The following COL4A2 variants were observed in gnomAD, a reference collection of about 807,000 sequenced individuals.
The protein encoded by COL4A2 is collagen alpha-2(IV) chain.
A neutral mutation model predicts 200.2 loss-of-function variants in COL4A2; 99 were observed. The observed-to-expected ratio is 0.49, with a 90% CI of 0.42 to 0.58. The LOEUF (loss-of-function observed/expected upper bound fraction) is 0.58, where lower values mean the gene tolerates loss of function less well. Ranked by LOEUF, COL4A2 falls within the 20% of genes least tolerant of loss-of-function variation. COL4A2 has a pLI of 0.00. For missense variants in COL4A2, 1,950 were observed against 2,314.1 expected (o/e 0.84, Z 3.23); for synonymous variants, 897 against 900.6 (o/e 1.00, Z 0.07).
chr13:110,344,948 C>T (rs376591502), intron 3 of COL4A2, among the ~76,000 whole-genome samples: 3 of 152,078 alleles, frequency 2.0e-5, no homozygotes, highest in East Asian at 1.9e-4. Flanking sequence ...AAAGTTGCAT[C>T]GGTATTGAGT....
At chr13:110,456,609 A>C (rs192745272) in intron 20 of COL4A2, 177 of 374,750 alleles carry the variant, frequency 4.7e-4, no homozygotes, top group Non-Finnish European at 8.2e-4. Context: ...AAAATAGTCT[A>C]AGTTTTCTTT....
chr13:110,506,358 C>CT, intron 45 of COL4A2, 57 bp from the exon 46 acceptor site: 1 of 1,539,718 alleles, frequency 6.5e-7, no homozygotes, highest in Admixed American at 2.0e-5. Flanking sequence ...CACTCTCTCT[C>CT]TTTCTCGGGC....
intron 29 of COL4A2, 41 bp downstream of exon 29, chr13:110,473,191 G>A (rs1811764329): frequency 2.6e-6 from 4 of 1,539,176 alleles, no homozygotes; most frequent in Non-Finnish European, 3.5e-6. Context: ...CATCCCAGAT[G>A]CACAGTGGCC....
chr13:110,400,970 A>G (rs1879353232), intron 4 of COL4A2, among the ~76,000 whole-genome samples: 1 of 152,240 alleles, frequency 6.6e-6, no homozygotes. Context: ...CCTAACAGAA[A>G]ACATCTGCTG....
At chr13:110,394,818 G>A (rs955868922) in intron 4 of COL4A2, among the ~76,000 whole-genome samples, 1 of 152,124 alleles carries the variant, frequency 6.6e-6, no homozygotes, top group African/African-American at 2.4e-5. Flanking sequence ...GGCCCATCTG[G>A]TGCTCTTTGC....
chr13:110,318,040 T>C (rs1167588988), intron 3 of COL4A2, among the ~76,000 whole-genome samples: 1 of 152,042 alleles, frequency 6.6e-6, no homozygotes, highest in Admixed American at 6.5e-5. Flanking sequence ...GGAGGATAGG[T>C]GTGGTCTGTT....
At position 110,452,030 on chromosome 13, in the gene COL4A2, A is replaced by G. The variant is rs757829274; in HGVS notation, c.1339+1576A>G. On this transcript the variant is annotated intron_variant, in intron 20 of 47. Transcript: ENST00000360467. ...TAAATTCCCTGACATTGCCCCTAAT[A>G]ATCTCTTACAGCCTCCTACCTTCGG... Among the ~76,000 whole-genome samples, 25 of 152,226 alleles carry G rather than the reference A, an allele frequency of 1.6e-4. 1 individual carries two copies. The highest frequency in any genetic ancestry group is 1.6e-3 in the Admixed American group (25 of 15,288).
chr13:110,316,971 G>A (rs1050202207), intron 3 of COL4A2, among the ~76,000 whole-genome samples: 1 of 152,054 alleles, frequency 6.6e-6, no homozygotes, highest in Non-Finnish European at 1.5e-5. Context: ...ATAAAAGAGA[G>A]AGAGAACACA....
chr13:110,495,263 C>G (rs905265377), intron 39 of COL4A2, 79 bp from the exon 40 acceptor site: 1 of 1,571,798 alleles, frequency 6.4e-7, no homozygotes, highest in South Asian at 1.1e-5. Context: ...TGAGGCACCC[C>G]AAGCTGTTCT....
intron 4 of COL4A2, among the ~76,000 whole-genome samples, chr13:110,391,062 C>G (rs1878967348): frequency 6.6e-6 from 1 of 152,178 alleles, no homozygotes; most frequent in South Asian, 2.1e-4. Context: ...TTTTACGATA[C>G]TCCCTCATTC....
intron 4 of COL4A2, among the ~76,000 whole-genome samples, chr13:110,418,397 A>T (rs1356020615): frequency 1.3e-5 from 2 of 152,214 alleles, no homozygotes; most frequent in Non-Finnish European, 2.9e-5. Flanking sequence ...TATAGGTTGT[A>T]ATCTTTGTGT....
rs373076094 is a variant in COL4A2, at chr13:110,428,502, G to A, written c.396G>A (p.Pro132=). Residue 132 remains proline (P), a synonymous_variant, in exon 7 of 48, where the codon CCG becomes CCA. Coordinates refer to ENST00000360467, the MANE Select transcript of COL4A2 (RefSeq NM_001846.4). ...HPGQGGPRGR[P]GYDGCNGTQG... is the part of the protein sequence containing the mutation. ...GGCAAGGTGGGCCCAGGGGAAGGCC[G>A]GGCTACGATGGCTGCAACGGAACCC... The A allele has an allele frequency of 1.3e-5, 21 of 1,584,866 alleles. No individual in the cohort carries two copies. The highest frequency in any genetic ancestry group is 6.9e-5 in the African/African-American group (5 of 72,370).
In COL4A2 at chr13:110,469,257, T is replaced by A. The variant is rs1594091421; in HGVS notation, c.2136T>A (p.Ala712=). Residue 712 remains alanine (A), a synonymous_variant, in exon 28 of 48, where the codon GCT becomes GCA. Transcript: ENST00000360467. ...GAGGAATCCCAGGCTTCGCAGGAGC[T>A]GATGGAGGACCAGGGCCCAGGGGCT... ...GLRGIPGFAG[A]DGGPGPRGLP... The A allele has an allele frequency of 1.2e-6, 2 of 1,604,052 alleles. No homozygotes were observed. The highest frequency in any genetic ancestry group is 1.7e-6 in the Non-Finnish European group (2 of 1,175,474).
intron 15 of COL4A2, 63 bp downstream of exon 15, chr13:110,438,731 C>T: frequency 6.2e-7 from 1 of 1,604,680 alleles, no homozygotes; most frequent in South Asian, 1.1e-5. Context: ...GTAGGCTTTC[C>T]TTTTTAGAGC....
rs1884144337 is a variant in COL4A2, at chr13:110,512,957, G to A, written c.*766G>A. Reference sequence around the variant, plus strand: ...TTAACCCCTCCACTGCTGGGGGTGAGCTGTACTCTTCTGACTGCCCCCTCC... The same window carrying A: ...TTAACCCCTCCACTGCTGGGGGTGAACTGTACTCTTCTGACTGCCCCCTCC... On this transcript the variant is annotated 3_prime_UTR_variant, in exon 48 of 48. Transcript: ENST00000360467. 3 of 152,288 alleles carry A rather than the reference G, an allele frequency of 2.0e-5. No homozygotes were observed. The highest frequency in any genetic ancestry group is 4.2e-4 in the South Asian group (2 of 4,808). 9.4% of individuals were successfully genotyped at this position (152,288 alleles called of 1,614,324 possible).
At chr13:110,470,558 A>G (rs970147765) in intron 28 of COL4A2, among the ~76,000 whole-genome samples, 1 of 152,156 alleles carries the variant, frequency 6.6e-6, no homozygotes. Flanking sequence ...CTTTCTTTTA[A>G]TGACATCGTT....
intron 4 of COL4A2, among the ~76,000 whole-genome samples, chr13:110,411,766 G>A (rs1879848753): frequency 6.6e-6 from 1 of 152,192 alleles, no homozygotes; most frequent in Non-Finnish European, 1.5e-5. Flanking sequence ...AGAGTCCAAG[G>A]TCATGTCTGT....
At chr13:110,354,268 C>T (rs529503606) in intron 3 of COL4A2, among the ~76,000 whole-genome samples, 1 of 152,298 alleles carries the variant, frequency 6.6e-6, no homozygotes, top group Non-Finnish European at 1.5e-5. Context: ...CTCTGCCAAG[C>T]GCCTGTTCAT....
intron 4 of COL4A2, among the ~76,000 whole-genome samples, chr13:110,383,871 C>T (rs1298879035): frequency 3.3e-5 from 5 of 152,046 alleles, no homozygotes; most frequent in African/African-American, 1.2e-4. Context: ...CTCGGCCTCC[C>T]GAAGTGTTGA....
Sources: gnomAD v4.1 joint callset for allele counts (sites outside exome capture counted in the v4.1 genomes callset) on GRCh38, gnomAD v4.1.1 for gene constraint, MANE v1.5 for transcripts, NCBI Gene and HGNC (gene_info 2026-07-23, HGNC 2026-07-21) for gene names.